ARB2A: variants seen among roughly 807,000 people sequenced by gnomAD.
ARB2A encodes ARB2 cotranscriptional regulator A, also known as cotranscriptional regulator ARB2A.
At chr5:93,838,377 T>C in the ARB2A span, among the ~76,000 whole-genome samples, 4 of 152,184 alleles carry the variant, frequency 2.6e-5, no homozygotes, top group African/African-American at 9.7e-5. Context: ...TTTGTATCAA[T>C]ACCATGCTGT....
the ARB2A span, among the ~76,000 whole-genome samples, chr5:93,868,838 C>G: frequency 2.0e-5 from 3 of 152,296 alleles, no homozygotes; most frequent in African/African-American, 7.2e-5. Flanking sequence ...TACTGCTTGT[C>G]TTTTATCATA....
the ARB2A span, among the ~76,000 whole-genome samples, chr5:93,905,843 A>T: frequency 6.6e-6 from 1 of 151,612 alleles, no homozygotes; most frequent in Non-Finnish European, 1.5e-5. Flanking sequence ...TGCAAGTAAC[A>T]TTCTTTGCAA....
At chr5:93,785,162 CT>C in the ARB2A span, among the ~76,000 whole-genome samples, 1 of 152,090 alleles carries the variant, frequency 6.6e-6, no homozygotes, top group Admixed American at 6.6e-5. Flanking sequence ...ATTTGCTTGG[CT>C]TGGAGATACC....
chr5:93,695,448 TG>T, the ARB2A span, among the ~76,000 whole-genome samples: 6 of 152,240 alleles, frequency 3.9e-5, no homozygotes, highest in Non-Finnish European at 8.8e-5. Flanking sequence ...TCATCATAAC[TG>T]GTCATTAGAG....
the ARB2A span, among the ~76,000 whole-genome samples, chr5:93,951,292 C>T: frequency 6.6e-6 from 1 of 152,100 alleles, no homozygotes. Context: ...TGTCTCTCCA[C>T]TTGATTGTTT....
chr5:93,793,004 C>T, the ARB2A span, among the ~76,000 whole-genome samples: 1 of 151,954 alleles, frequency 6.6e-6, no homozygotes. Flanking sequence ...GATGAGGAAA[C>T]TGATGCCTAG....
the ARB2A span, among the ~76,000 whole-genome samples, chr5:93,710,655 TAC>T: frequency 1.3e-5 from 2 of 152,304 alleles, no homozygotes; most frequent in South Asian, 4.1e-4. Context: ...GCCCACTCCC[TAC>T]AGTTCAGTTA....
the ARB2A span, among the ~76,000 whole-genome samples, chr5:93,829,738 A>G: frequency 2.0e-5 from 3 of 152,216 alleles, no homozygotes; most frequent in East Asian, 5.8e-4. Flanking sequence ...AGAAGAATGA[A>G]TAAAACAGTT....
the ARB2A span, among the ~76,000 whole-genome samples, chr5:93,717,683 C>T: frequency 3.3e-5 from 5 of 151,928 alleles, no homozygotes; most frequent in African/African-American, 4.8e-5. Context: ...ATAAAACATA[C>T]TCAGAGAACT....
chr5:93,785,151 G>A, the ARB2A span, among the ~76,000 whole-genome samples: 1 of 152,064 alleles, frequency 6.6e-6, no homozygotes, highest in Admixed American at 6.6e-5. Context: ...AACAAAAAAA[G>A]ATTTGCTTGG....
chr5:93,793,239 ATTTTTTTTTTT>A, the ARB2A span, among the ~76,000 whole-genome samples: 1 of 64,776 alleles, frequency 1.5e-5, no homozygotes, highest in Admixed American at 2.6e-4. Context: ...CTTCTGGCTA[ATTTTTTTTTTT>A]TTTTTTTTTT....
the ARB2A span, among the ~76,000 whole-genome samples, chr5:94,103,228 T>G: frequency 6.6e-6 from 1 of 152,036 alleles, no homozygotes; most frequent in Non-Finnish European, 1.5e-5. Context: ...GAGTGGCAAT[T>G]TGAATAAAGA....
At chr5:93,649,038 TAA>T in the ARB2A span, among the ~76,000 whole-genome samples, 1 of 152,150 alleles carries the variant, frequency 6.6e-6, no homozygotes, top group East Asian at 1.9e-4. Flanking sequence ...AGAAAATATA[TAA>T]GTTAAAAAAC....
the ARB2A span, among the ~76,000 whole-genome samples, chr5:94,102,545 C>T: frequency 1.3e-5 from 2 of 152,068 alleles, no homozygotes; most frequent in East Asian, 1.9e-4. Context: ...AAACATATGA[C>T]ACATTGGCAT....
the ARB2A span, among the ~76,000 whole-genome samples, chr5:93,741,841 T>C: frequency 6.6e-6 from 1 of 152,106 alleles, no homozygotes; most frequent in Non-Finnish European, 1.5e-5. Flanking sequence ...CTGGAGTCCC[T>C]TACTCACTGC....
At chr5:94,045,226 A>C in the ARB2A span, among the ~76,000 whole-genome samples, 3 of 151,930 alleles carry the variant, frequency 2.0e-5, no homozygotes, top group East Asian at 5.8e-4. Context: ...ATCATCAAGA[A>C]ATAACCATAA....
the ARB2A span, among the ~76,000 whole-genome samples, chr5:94,091,731 C>T: frequency 6.6e-6 from 1 of 152,160 alleles, no homozygotes. Flanking sequence ...TAGATGGAAA[C>T]TAATTTTTAA....
chr5:93,741,512 C>A, the ARB2A span: 2 of 1,609,990 alleles, frequency 1.2e-6, no homozygotes, highest in South Asian at 1.1e-5. Context: ...GGGCCGCCCC[C>A]ACCACTGCCT....
the ARB2A span, among the ~76,000 whole-genome samples, chr5:93,721,589 T>C: frequency 4.6e-5 from 7 of 152,212 alleles, no homozygotes; most frequent in East Asian, 1.3e-3. Context: ...TATTTGGGTT[T>C]GTTATCATGC....
Sources: gnomAD v4.1 joint callset for allele counts (sites outside exome capture counted in the v4.1 genomes callset) on GRCh38, gnomAD v4.1.1 for gene constraint, MANE v1.5 for transcripts, NCBI Gene and HGNC (gene_info 2026-07-23, HGNC 2026-07-21) for gene names.